The following NDUFA9 variants were observed in gnomAD, a reference collection of about 807,000 sequenced individuals.
The protein encoded by NDUFA9 is NADH:ubiquinone oxidoreductase subunit A9.
NDUFA9 carries 23 observed loss-of-function variants against 45.9 expected under a neutral mutation model. The ratio of observed to expected loss-of-function variants is 0.50; its 90% CI spans 0.36 to 0.71. NDUFA9 has a LOEUF of 0.71. Among genes scored for constraint, NDUFA9 ranks in the 30% least tolerant of loss-of-function variants. The probability of loss-of-function intolerance (pLI) is 0.00; values close to 1 mark genes in which losing one functional copy is unlikely to be tolerated. For missense variants in NDUFA9, 466 were observed against 488.2 expected, an observed-to-expected ratio of 0.95 and a Z score of 0.43; for synonymous variants, 176 against 170.5, an observed-to-expected ratio of 1.03 and a Z score of -0.25.
intron 8 of NDUFA9, among the ~76,000 whole-genome samples, chr12:4,681,447 G>T (rs1267067387): frequency 6.6e-6 from 1 of 150,514 alleles, no homozygotes; most frequent in Non-Finnish European, 1.5e-5. Flanking sequence ...GTGAAGAAAT[G>T]ATCTCTCATA....
At chr12:4,656,374 G>A (rs1945790983) in intron 3 of NDUFA9, among the ~76,000 whole-genome samples, 1 of 152,188 alleles carries the variant, frequency 6.6e-6, no homozygotes, top group South Asian at 2.1e-4. Context: ...AAAGTGATAG[G>A]TGAAAACTTT....
At position 4,691,509 on chromosome 12, in the gene NDUFA9, G is replaced by A. The variant is rs1487869895; in HGVS notation, c.*4401G>A. ...GAAAGGATTTAAGGATGCTCAGGAG[G>A]AAGACATTCCCAGAGTTACACTCTA... On this transcript the variant is annotated 3_prime_UTR_variant, in exon 11 of 11. Transcript: ENST00000266544. 1.3e-5 allele frequency: 2 copies of A among 152,220 alleles called. No individual in the cohort carries two copies. Among genetic ancestry groups the A allele is most frequent in the Non-Finnish European group, 2.9e-5 (2 of 68,038 alleles). 9.4% of individuals were successfully genotyped at this position (152,220 alleles called of 1,614,324 possible). A position where few individuals can be genotyped will look rare whatever the true frequency, so the allele number is the denominator to read the frequency against.
intron 8 of NDUFA9, among the ~76,000 whole-genome samples, chr12:4,677,553 G>A (rs377625226): frequency 2.6e-5 from 4 of 152,298 alleles, no homozygotes; most frequent in East Asian, 1.9e-4. Context: ...AAAGCTCATC[G>A]TCACTGGTCA....
chr12:4,673,057 C>T (rs1304917173), intron 8 of NDUFA9, among the ~76,000 whole-genome samples: 1 of 152,234 alleles, frequency 6.6e-6, no homozygotes, highest in African/African-American at 2.4e-5. Flanking sequence ...CTTTGCTGTT[C>T]TGCAGCCTCT....
At chr12:4,649,329 T>C (rs1945740418) in intron 1 of NDUFA9, among the ~76,000 whole-genome samples, 154 bp downstream of exon 1, 1 of 152,242 alleles carries the variant, frequency 6.6e-6, no homozygotes, top group Admixed American at 6.5e-5. Context: ...GTTTCTCCTT[T>C]CGCTTTCCGC....
chr12:4,659,249 A>T, intron 5 of NDUFA9, 72 bp downstream of exon 5: 1 of 1,359,862 alleles, frequency 7.4e-7, no homozygotes, highest in Non-Finnish European at 1.0e-6. Context: ...ACATGATTTC[A>T]GTGAGAAGGG....
intron 4 of NDUFA9, among the ~76,000 whole-genome samples, chr12:4,658,590 C>G (rs1945805037): frequency 6.6e-6 from 1 of 152,138 alleles, no homozygotes; most frequent in East Asian, 1.9e-4. Flanking sequence ...CCAGTACGGC[C>G]AGGTTTCTTT....
At chr12:4,655,593 C>T (rs1945785086) in intron 3 of NDUFA9, 1 of 152,082 alleles carries the variant, frequency 6.6e-6, no homozygotes, top group Non-Finnish European at 1.5e-5. Context: ...CTATGTGCCT[C>T]ATGTTATATT....
At chr12:4,666,399 G>A (rs1468689941) in intron 6 of NDUFA9, among the ~76,000 whole-genome samples, 1 of 152,058 alleles carries the variant, frequency 6.6e-6, no homozygotes. Context: ...ATGTAGTCAG[G>A]CTTATCTATT....
intron 5 of NDUFA9, among the ~76,000 whole-genome samples, chr12:4,659,485 A>G (rs866096199): frequency 1.3e-5 from 2 of 152,234 alleles, no homozygotes; most frequent in African/African-American, 2.4e-5. Context: ...TTTCTGCCAA[A>G]GGAATCATAC....
chr12:4,690,806 G>C lies in NDUFA9; in HGVS notation c.*3698G>C, dbSNP rs137997165. The C allele has an allele frequency of 1.3e-3, 194 of 152,292 alleles. 1 individual carries two copies. The highest frequency in any genetic ancestry group is 4.6e-3 in the African/African-American group (190 of 41,550). The allele number at this position is 152,292 out of a possible 1,614,324, so 9.4% of individuals were successfully genotyped here. On this transcript the variant is annotated 3_prime_UTR_variant, in exon 11 of 11. Coordinates refer to ENST00000266544, the MANE Select transcript of NDUFA9 (RefSeq NM_005002.5). ...CTGAGAAGATAAAGAAAGGTCTCTGGAAGGATTAGCAAAAACTCCATAGAA... is the reference window on the plus strand; with the variant it reads ...CTGAGAAGATAAAGAAAGGTCTCTGCAAGGATTAGCAAAAACTCCATAGAA...
At chr12:4,684,298 G>A (rs2267552) in intron 9 of NDUFA9, among the ~76,000 whole-genome samples, 86,561 of 152,042 alleles carry the variant, frequency 0.57, 24,876 homozygotes, top group Non-Finnish European at 0.61. Flanking sequence ...GCCTTTAAAC[G>A]GCTGTGGAAC....
intron 9 of NDUFA9, among the ~76,000 whole-genome samples, 177 bp downstream of exon 9, chr12:4,682,477 T>A (rs1945959489): frequency 1.3e-5 from 2 of 152,200 alleles, no homozygotes; most frequent in African/African-American, 4.8e-5. Flanking sequence ...AAAAAAAATA[T>A]ATTGGAACAT....
At chr12:4,668,396 C>T (rs895383352) in intron 6 of NDUFA9, 61 bp from the exon 7 acceptor site, 20 of 1,274,146 alleles carry the variant, frequency 1.6e-5, no homozygotes, top group Middle Eastern at 3.7e-4. Context: ...AATCTTAAGA[C>T]TGTTGGATCT....
At chr12:4,683,527 G>T (rs1216695973) in intron 9 of NDUFA9, among the ~76,000 whole-genome samples, 1 of 152,132 alleles carries the variant, frequency 6.6e-6, no homozygotes, top group African/African-American at 2.4e-5. Context: ...GGTCTAACAG[G>T]GGTACCAGAA....
At chr12:4,664,078 C>T (rs1945839306) in intron 6 of NDUFA9, among the ~76,000 whole-genome samples, 1 of 152,092 alleles carries the variant, frequency 6.6e-6, no homozygotes, top group Admixed American at 6.6e-5. Flanking sequence ...CTCCCGACTG[C>T]TTACAACAGA....
At chr12:4,653,554 T>A (rs1350594219) in intron 1 of NDUFA9, 1 of 434,412 alleles carries the variant, frequency 2.3e-6, no homozygotes, top group East Asian at 7.1e-5. Context: ...CCTCAGTCAA[T>A]GAAAAAGAAA....
chr12:4,682,321 G>A (rs1945958393), intron 9 of NDUFA9, 21 bp downstream of exon 9: 2 of 1,569,694 alleles, frequency 1.3e-6, no homozygotes, highest in Non-Finnish European at 1.8e-6. Context: ...TGCTCCTTTT[G>A]TGTGACTTCT....
chr12:4,658,879 C>G (rs960114344), intron 4 of NDUFA9, among the ~76,000 whole-genome samples, 157 bp from the exon 5 acceptor site: 2 of 152,268 alleles, frequency 1.3e-5, no homozygotes, highest in Middle Eastern at 3.4e-3. Flanking sequence ...CATGAGCCAC[C>G]ACACCTGGCC....
Sources: gnomAD v4.1 joint callset for allele counts (sites outside exome capture counted in the v4.1 genomes callset) on GRCh38, gnomAD v4.1.1 for gene constraint, MANE v1.5 for transcripts, NCBI Gene and HGNC (gene_info 2026-07-23, HGNC 2026-07-21) for gene names.